ANTXR1: variants seen among roughly 807,000 people sequenced by gnomAD.
The protein encoded by ANTXR1 is ANTXR cell adhesion molecule 1, also known as anthrax toxin receptor 1.
ANTXR1 carries 19 observed loss-of-function variants against 78.1 expected under a neutral mutation model. The ratio of observed to expected loss-of-function variants is 0.24; its 90% CI spans 0.17 to 0.36. The LOEUF is 0.36. Ranked by LOEUF, ANTXR1 falls within the 10% of genes least tolerant of loss-of-function variation. ANTXR1 has a pLI of 1.00. For missense variants in ANTXR1, 518 were observed against 718.6 expected (o/e 0.72, Z 3.19); for synonymous variants, 273 against 260.5 (o/e 1.05, Z -0.46).
At chr2:69,086,705 A>G (rs2104268756) in intron 8 of ANTXR1, among the ~76,000 whole-genome samples, 1 of 152,286 alleles carries the variant, frequency 6.6e-6, no homozygotes, top group Admixed American at 6.5e-5. Flanking sequence ...CAGCAGTAGC[A>G]ATAGTAATGA....
intron 12 of ANTXR1, among the ~76,000 whole-genome samples, chr2:69,133,600 T>A (rs539880120): frequency 2.0e-5 from 3 of 152,338 alleles, no homozygotes; most frequent in Non-Finnish European, 4.4e-5. Context: ...AGTAACAAAA[T>A]GGCATTAATT....
intron 17 of ANTXR1, among the ~76,000 whole-genome samples, chr2:69,210,929 C>T (rs1675025480): frequency 7.2e-6 from 1 of 138,280 alleles, no homozygotes; most frequent in African/African-American, 2.8e-5. Context: ...GAGTGAGACT[C>T]CATCACAAAA....
At chr2:69,063,365 G>C (rs1004691761) in intron 3 of ANTXR1, among the ~76,000 whole-genome samples, 31 of 151,898 alleles carry the variant, frequency 2.0e-4, no homozygotes, top group African/African-American at 7.5e-4. Context: ...TCCAGAGAAT[G>C]AAGGTCCAAT....
intron 1 of ANTXR1, among the ~76,000 whole-genome samples, chr2:69,036,124 TC>T (rs1669408390): frequency 6.6e-6 from 1 of 152,244 alleles, no homozygotes; most frequent in Non-Finnish European, 1.5e-5. Context: ...AAACTCTTGC[TC>T]CTTAAACAGG....
chr2:69,117,634 T>A (rs1672192066), intron 10 of ANTXR1, among the ~76,000 whole-genome samples: 1 of 152,218 alleles, frequency 6.6e-6, no homozygotes, highest in African/African-American at 2.4e-5. Flanking sequence ...TTAATCCCTC[T>A]GATTTTAAAC....
In ANTXR1 at chr2:69,103,938, AT is replaced by A. The variant is rs72060440; in HGVS notation, c.802+1014del. Among the ~76,000 whole-genome samples, 382 of 133,830 alleles carry A rather than the reference AT, an allele frequency of 2.9e-3. 1 individual carries two copies. The South Asian group carries it at 0.033, about 12-fold the overall frequency. 87.8% of individuals were successfully genotyped at this position (133,830 alleles called of 152,430 possible). ...ACTAGTTTTCTCCTCCTGATAGCCT[AT>A]TTTTTTTTTTTTTTTGGAGACTGAG... On this transcript the variant is annotated intron_variant, in intron 10 of 17. Transcript: ENST00000303714.
At chr2:69,037,167 C>A (rs533367815) in intron 1 of ANTXR1, among the ~76,000 whole-genome samples, 3 of 152,328 alleles carry the variant, frequency 2.0e-5, no homozygotes, top group Non-Finnish European at 4.4e-5. Flanking sequence ...CCATCTGAGT[C>A]CCAAACCCAG....
chr2:69,238,420 G>A (rs1675822311), intron 17 of ANTXR1, among the ~76,000 whole-genome samples: 1 of 152,162 alleles, frequency 6.6e-6, no homozygotes, highest in Non-Finnish European at 1.5e-5. Flanking sequence ...AAGGATAAAT[G>A]CATAAATAAA....
chr2:69,195,177 A>AAAG, intron 17 of ANTXR1, among the ~76,000 whole-genome samples: 1 of 135,022 alleles, frequency 7.4e-6, no homozygotes, highest in African/African-American at 3.6e-5. Context: ...AAAAAAAAAG[A>AAAG]AAAAAGAAAA....
intron 17 of ANTXR1, among the ~76,000 whole-genome samples, chr2:69,243,594 T>C (rs1558670579): frequency 1.3e-5 from 2 of 152,126 alleles, no homozygotes; most frequent in Admixed American, 1.3e-4. Flanking sequence ...CTGAGCCAAG[T>C]CTCTAATAGC....
At chr2:69,077,582 G>T in intron 8 of ANTXR1, 94 bp downstream of exon 8, 1 of 1,330,056 alleles carries the variant, frequency 7.5e-7, no homozygotes, top group South Asian at 1.2e-5. Flanking sequence ...AAAGCCTGGT[G>T]TTTTTCTGCT....
chr2:69,148,541 T>A (rs1673294391), intron 12 of ANTXR1, among the ~76,000 whole-genome samples: 1 of 152,210 alleles, frequency 6.6e-6, no homozygotes, highest in Non-Finnish European at 1.5e-5. Context: ...TGCCTTGGTA[T>A]TTTTAGTGAG....
chr2:69,116,998 G>A (rs1672165753), intron 10 of ANTXR1, among the ~76,000 whole-genome samples: 1 of 152,168 alleles, frequency 6.6e-6, no homozygotes, highest in Non-Finnish European at 1.5e-5. Context: ...ATTGTCCCAA[G>A]GTCTAAACCT....
chr2:69,209,231 C>A (rs1674980791), intron 17 of ANTXR1, among the ~76,000 whole-genome samples: 2 of 152,108 alleles, frequency 1.3e-5, no homozygotes, highest in Admixed American at 1.3e-4. Flanking sequence ...CAAATATTAT[C>A]CTCACTTTAC....
At position 69,245,670 on chromosome 2, in the gene ANTXR1, G is replaced by C; in HGVS notation, c.*185G>C. On this transcript the variant is annotated 3_prime_UTR_variant, in exon 18 of 18. Coordinates refer to ENST00000303714, the MANE Select transcript of ANTXR1 (RefSeq NM_032208.3). The stretch of plus-strand genomic sequence containing the variant: ...AAGAAACAGATATTTTAAATTGCCA[G>C]AAAACAAATGATGAGGCAACTACAG... The C allele has an allele frequency of 1.2e-6, 1 of 815,766 alleles. No homozygotes were observed. Among genetic ancestry groups the C allele is most frequent in the Non-Finnish European group, 1.9e-6 (1 of 523,618 alleles). 50.5% of individuals were successfully genotyped at this position (815,766 alleles called of 1,614,324 possible).
At chr2:69,108,740 A>G (rs1432593371) in intron 10 of ANTXR1, among the ~76,000 whole-genome samples, 2 of 152,182 alleles carry the variant, frequency 1.3e-5, no homozygotes, top group Non-Finnish European at 2.9e-5. Flanking sequence ...TTCCTGCATT[A>G]GTTTGCTAAG....
At chr2:69,028,614 T>C (rs1671429204) in intron 1 of ANTXR1, among the ~76,000 whole-genome samples, 1 of 152,144 alleles carries the variant, frequency 6.6e-6, no homozygotes, top group East Asian at 1.9e-4. Context: ...ATATAAAATA[T>C]AATAGTTATT....
intron 9 of ANTXR1, among the ~76,000 whole-genome samples, chr2:69,095,351 C>T (rs1038601574): frequency 1.4e-4 from 21 of 152,166 alleles, no homozygotes; most frequent in Non-Finnish European, 2.5e-4. Context: ...ACCCACACCC[C>T]TATGAAACTC....
At chr2:69,149,134 C>T (rs961609340) in intron 12 of ANTXR1, among the ~76,000 whole-genome samples, 1 of 152,144 alleles carries the variant, frequency 6.6e-6, no homozygotes, top group African/African-American at 2.4e-5. Context: ...GGCTTTATCC[C>T]AGAGCAGTCT....
Sources: allele counts gnomAD v4.1 joint callset (sites outside exome capture counted in the v4.1 genomes callset), GRCh38; gene constraint gnomAD v4.1.1; transcripts MANE v1.5; gene names NCBI Gene and HGNC (gene_info 2026-07-23, HGNC 2026-07-21).